CLIC5: variants seen among roughly 807,000 people sequenced by gnomAD.
The protein encoded by CLIC5 is chloride intracellular channel protein 5.
A neutral mutation model predicts 24.7 loss-of-function variants in CLIC5; 20 were observed. The observed-to-expected ratio is 0.81, with a 90% CI of 0.57 to 1.18. The LOEUF (loss-of-function observed/expected upper bound fraction) is 1.18. Among genes scored for constraint, CLIC5 ranks in the 50% most tolerant of loss-of-function variants. The probability of loss-of-function intolerance (pLI) is 0.00; values close to 1 mark genes in which losing one functional copy is unlikely to be tolerated. For missense variants in CLIC5, 341 were observed against 326.1 expected, an observed-to-expected ratio of 1.05 and a Z score of -0.35; for synonymous variants, 159 against 135.6, an observed-to-expected ratio of 1.17 and a Z score of -1.20.
chr6:45,954,243 A>G (rs1317732107), intron 2 of CLIC5, among the ~76,000 whole-genome samples: 2 of 148,586 alleles, frequency 1.3e-5, no homozygotes, highest in South Asian at 2.2e-4. Flanking sequence ...ACTGCACTCC[A>G]GCCTGAGCAA....
chr6:46,071,537 C>T (rs538659101), intron 1 of CLIC5, among the ~76,000 whole-genome samples: 4 of 152,120 alleles, frequency 2.6e-5, no homozygotes, highest in African/African-American at 9.6e-5. Context: ...AATGAAATAC[C>T]ATCTCATACC....
At chr6:46,006,817 A>G (rs1766602415) in intron 1 of CLIC5, among the ~76,000 whole-genome samples, 1 of 151,596 alleles carries the variant, frequency 6.6e-6, no homozygotes. Context: ...CTGGGGCTAT[A>G]GGTGGGTGCC....
chr6:45,919,709 A>T (rs1763178099), intron 4 of CLIC5, among the ~76,000 whole-genome samples: 1 of 152,220 alleles, frequency 6.6e-6, no homozygotes, highest in Non-Finnish European at 1.5e-5. Context: ...AGTTTAGAAC[A>T]TCTTAGACAA....
At chr6:46,108,032 C>CAAAAAAAAAAAAAAAAAAAAAAAAA in the CLIC5 span, among the ~76,000 whole-genome samples, 1 of 33,308 alleles carries the variant, frequency 3.0e-5, no homozygotes, top group Non-Finnish European at 5.3e-5. Context: ...AAAACTCCAT[C>CAAAAAAAAAAAAAAAAAAAAAAAAA]AAAAAAAAAA....
At chr6:45,944,492 A>G (rs766395072) in intron 3 of CLIC5, among the ~76,000 whole-genome samples, 4 of 136,608 alleles carry the variant, frequency 2.9e-5, no homozygotes, top group Non-Finnish European at 6.1e-5. Context: ...AGGATATCTT[A>G]TTTCAAATGC....
chr6:45,988,625 G>T (rs967818892), intron 1 of CLIC5, among the ~76,000 whole-genome samples: 1 of 152,156 alleles, frequency 6.6e-6, no homozygotes. Flanking sequence ...TTCATGCCAC[G>T]CTTAACTATT....
At chr6:46,092,133 T>C in the CLIC5 span, among the ~76,000 whole-genome samples, 1 of 152,344 alleles carries the variant, frequency 6.6e-6, no homozygotes, top group East Asian at 1.9e-4. Context: ...CAATTCATTT[T>C]TCTATTGTAC....
chr6:46,098,464 T>TTA, the CLIC5 span, among the ~76,000 whole-genome samples: 6 of 152,210 alleles, frequency 3.9e-5, no homozygotes, highest in Non-Finnish European at 7.3e-5. Flanking sequence ...CTGGTTTACA[T>TTA]TATAGGCAGG....
chr6:46,000,876 A>AGAGCCAAACCATATCC lies in CLIC5; in HGVS notation c.63+14603_63+14604insGGATATGGTTTGGCTC, dbSNP rs1329458133. Among the ~76,000 whole-genome samples the AGAGCCAAACCATATCC allele has an allele frequency of 2.2e-4, 34 of 152,318 alleles. No homozygotes were observed. The East Asian group carries it at 3.7e-3, about 16-fold the overall frequency. On this transcript the variant is annotated intron_variant, in intron 1 of 5. Transcript: ENST00000339561. The stretch of plus-strand genomic sequence containing the variant: ...TGGGGATGCAGAGCCAAACCATATC[A>AGAGCCAAACCATATCC]CAGAGCCTCTTTTTCCAGCTCTTCA...
chr6:45,992,735 C>T (rs564744511), intron 1 of CLIC5, among the ~76,000 whole-genome samples: 1 of 152,132 alleles, frequency 6.6e-6, no homozygotes, highest in Non-Finnish European at 1.5e-5. Flanking sequence ...CATGTTTTCC[C>T]TAATCACCCC....
intron 2 of CLIC5, among the ~76,000 whole-genome samples, 156 bp from the exon 3 acceptor site, chr6:45,949,537 G>C (rs1764403853): frequency 6.6e-6 from 1 of 152,206 alleles, no homozygotes; most frequent in East Asian, 1.9e-4. Flanking sequence ...GGGGAGGTTG[G>C]AGAAAGTTCT....
chr6:45,903,617 T>C (rs1208673575), intron 5 of CLIC5, among the ~76,000 whole-genome samples: 1 of 152,142 alleles, frequency 6.6e-6, no homozygotes, highest in Non-Finnish European at 1.5e-5. Context: ...AATACATACA[T>C]TATCTTACAC....
rs1448216536 is a variant in CLIC5, at chr6:45,981,204, A to G, written c.64-25960T>C. Among the ~76,000 whole-genome samples, 5 of 152,170 alleles carry G rather than the reference A, an allele frequency of 3.3e-5. No individual in the cohort carries two copies. In the East Asian group the frequency reaches 9.7e-4, roughly 29 times the overall value. Reference sequence around the variant, plus strand: ...AGGCTGGTCTTGAAACCTGAGCTCAAGCAATCCACCCACCTCAGCCTCCCA... The same window carrying G: ...AGGCTGGTCTTGAAACCTGAGCTCAGGCAATCCACCCACCTCAGCCTCCCA... On this transcript the variant is annotated intron_variant, in intron 1 of 5. Transcript: ENST00000339561.
At chr6:46,097,284 G>A in the CLIC5 span, 1 of 152,204 alleles carries the variant, frequency 6.6e-6, no homozygotes, top group African/African-American at 2.4e-5. Context: ...TAGAATCTGA[G>A]TAGCAGGCAT....
chr6:46,027,952 G>A (rs1037388910), intron 1 of CLIC5, among the ~76,000 whole-genome samples: 4 of 152,024 alleles, frequency 2.6e-5, no homozygotes, highest in South Asian at 2.1e-4. Flanking sequence ...TTGTCACCTC[G>A]TAAATGGAAT....
intron 1 of CLIC5, among the ~76,000 whole-genome samples, chr6:45,995,233 A>G (rs756684390): frequency 1.3e-5 from 2 of 152,242 alleles, no homozygotes; most frequent in Non-Finnish European, 2.9e-5. Context: ...CAATCCTAAT[A>G]ATAGTATTTA....
At chr6:46,046,315 C>T (rs1254320846) in intron 1 of CLIC5, among the ~76,000 whole-genome samples, 2 of 152,126 alleles carry the variant, frequency 1.3e-5, no homozygotes, top group African/African-American at 4.8e-5. Flanking sequence ...CACTTAAGGA[C>T]CTTCCTAGTT....
chr6:46,076,800 G>T (rs1446534512), intron 1 of CLIC5, among the ~76,000 whole-genome samples: 1 of 152,134 alleles, frequency 6.6e-6, no homozygotes, highest in African/African-American at 2.4e-5. Context: ...ATATTTATTT[G>T]TTTATTTGTT....
chr6:46,108,401 T>TGTGTGTGAGA, the CLIC5 span, among the ~76,000 whole-genome samples: 105 of 141,754 alleles, frequency 7.4e-4, no homozygotes, highest in Admixed American at 9.8e-4. Flanking sequence ...TGTGTGTGTG[T>TGTGTGTGAGA]GAGAGAGAGA....
Sources: allele counts gnomAD v4.1 joint callset (sites outside exome capture counted in the v4.1 genomes callset), GRCh38; gene constraint gnomAD v4.1.1; transcripts MANE v1.5; gene names NCBI Gene and HGNC (gene_info 2026-07-23, HGNC 2026-07-21).